Variants in ZNF385D observed in about 807,000 individuals in gnomAD.
The protein encoded by ZNF385D is zinc finger protein 659.
ZNF385D carries 15 observed loss-of-function variants against 35.8 expected under a neutral mutation model. The observed-to-expected ratio is 0.42, with a 90% confidence interval of 0.28 to 0.64. The LOEUF is 0.64. ZNF385D is among the 30% of genes least tolerant of loss of function. The pLI is 0.23. For synonymous variants in ZNF385D, 212 were observed against 186.8 expected, an observed-to-expected ratio of 1.13 and a Z score of -1.10; for missense variants, 474 against 494.6, an observed-to-expected ratio of 0.96 and a Z score of 0.39.
intron 3 of ZNF385D, among the ~76,000 whole-genome samples, chr3:21,780,548 T>G (rs1340245896): frequency 1.3e-5 from 2 of 152,028 alleles, no homozygotes; most frequent in East Asian, 3.9e-4. Context: ...ATTTTCAGAG[T>G]GAGTTTGTTG....
At chr3:22,091,995 A>G (rs1701358348) in intron 3 of ZNF385D, among the ~76,000 whole-genome samples, 1 of 152,192 alleles carries the variant, frequency 6.6e-6, no homozygotes, top group Non-Finnish European at 1.5e-5. Context: ...AAAAGGATGA[A>G]AAATACCTTC....
chr3:21,764,897 A>C (rs964621508), intron 3 of ZNF385D, among the ~76,000 whole-genome samples: 1 of 152,064 alleles, frequency 6.6e-6, no homozygotes, highest in African/African-American at 2.4e-5. Flanking sequence ...CCAATTGTCC[A>C]CTTCTCTCCT....
intron 3 of ZNF385D, among the ~76,000 whole-genome samples, chr3:22,077,447 G>C (rs893172989): frequency 6.6e-6 from 1 of 151,922 alleles, no homozygotes; most frequent in Non-Finnish European, 1.5e-5. Flanking sequence ...CATCTATGCT[G>C]ATGTAATTTG....
At chr3:21,958,862 A>T (rs1487656609) in intron 3 of ZNF385D, 1 of 152,138 alleles carries the variant, frequency 6.6e-6, no homozygotes, top group Non-Finnish European at 1.5e-5. Flanking sequence ...TTTCATTACA[A>T]ATAATTCAAG....
intron 2 of ZNF385D, among the ~76,000 whole-genome samples, chr3:22,173,400 G>T (rs1201909991): frequency 2.0e-5 from 3 of 152,096 alleles, no homozygotes; most frequent in African/African-American, 7.2e-5. Flanking sequence ...GAGAAAATTG[G>T]ATGGGAGGTC....
At chr3:21,542,390 C>T (rs1165544655) in intron 3 of ZNF385D, among the ~76,000 whole-genome samples, 3 of 151,308 alleles carry the variant, frequency 2.0e-5, no homozygotes, top group Non-Finnish European at 4.4e-5. Context: ...GCCTGCTGCC[C>T]AGGCTGGAGA....
intron 3 of ZNF385D, among the ~76,000 whole-genome samples, chr3:22,038,897 T>C (rs11928454): frequency 0.092 from 13,771 of 149,448 alleles, 710 homozygotes; most frequent in African/African-American, 0.13. Context: ...TTTTATTATA[T>C]ATAAACATAT....
At chr3:21,478,332 A>C (rs71310258) in intron 4 of ZNF385D, among the ~76,000 whole-genome samples, 19 of 152,282 alleles carry the variant, frequency 1.2e-4, no homozygotes, top group South Asian at 4.1e-4. Flanking sequence ...AGGAGTGCAT[A>C]TATGCCTGTG....
At chr3:22,128,113 T>C (rs1703547643) in intron 3 of ZNF385D, among the ~76,000 whole-genome samples, 3 of 152,210 alleles carry the variant, frequency 2.0e-5, no homozygotes, top group Admixed American at 1.3e-4. Context: ...GGGAAGCTCT[T>C]TGTATCTCCT....
intron 3 of ZNF385D, among the ~76,000 whole-genome samples, chr3:22,060,280 G>A (rs1323154000): frequency 6.6e-6 from 1 of 152,082 alleles, no homozygotes; most frequent in East Asian, 1.9e-4. Flanking sequence ...CTTATACTGT[G>A]TATCTCTGTA....
At chr3:22,023,127 G>A (rs1054921843) in intron 3 of ZNF385D, among the ~76,000 whole-genome samples, 11 of 152,096 alleles carry the variant, frequency 7.2e-5, no homozygotes, top group African/African-American at 2.7e-4. Context: ...TCTTATGGAG[G>A]GCACAGAATC....
At position 22,295,671 on chromosome 3, in the gene ZNF385D, A is replaced by G. The variant is rs191217194; in HGVS notation, c.106+76779T>C. Among the ~76,000 whole-genome samples, 319 of 152,274 alleles carry G rather than the reference A, an allele frequency of 2.1e-3. 1 individual carries two copies. The highest frequency in any genetic ancestry group is 4.0e-3 in the Non-Finnish European group (273 of 68,000). On this transcript the variant is annotated intron_variant, in intron 2 of 5. Transcript: ENST00000494108. ...TTGGTTGGTAGAAAAATATAAACAT[A>G]AAAGAAAATCCGCCCCCTTTTGATT...
intron 4 of ZNF385D, among the ~76,000 whole-genome samples, chr3:21,495,008 C>T (rs932072247): frequency 2.6e-5 from 4 of 152,124 alleles, no homozygotes; most frequent in African/African-American, 4.8e-5. Flanking sequence ...ATATTTTCTA[C>T]CCTGGATTAT....
intron 3 of ZNF385D, among the ~76,000 whole-genome samples, chr3:21,756,560 G>A (rs1402083037): frequency 6.6e-6 from 1 of 152,122 alleles, no homozygotes; most frequent in Non-Finnish European, 1.5e-5. Flanking sequence ...TTTTATAAAT[G>A]ATAATAAAAT....
At chr3:22,214,366 T>C (rs1461780822) in intron 2 of ZNF385D, among the ~76,000 whole-genome samples, 1 of 152,012 alleles carries the variant, frequency 6.6e-6, no homozygotes, top group Non-Finnish European at 1.5e-5. Context: ...ACAAATTGTT[T>C]GTAGGGCATG....
intron 2 of ZNF385D, among the ~76,000 whole-genome samples, chr3:22,303,210 T>A (rs532615189): frequency 1.3e-4 from 20 of 152,272 alleles, no homozygotes; most frequent in African/African-American, 4.1e-4. Context: ...TGCAGCTACA[T>A]GTATTGTGTG....
intron 2 of ZNF385D, among the ~76,000 whole-genome samples, chr3:22,368,432 A>T (rs1350833105): frequency 1.3e-5 from 2 of 152,056 alleles, no homozygotes; most frequent in East Asian, 1.9e-4. Context: ...CTAATTGCAA[A>T]TTTTTTATGT....
chr3:21,692,384 T>C (rs2067311653), intron 1 of ZNF385D, among the ~76,000 whole-genome samples: 1 of 152,166 alleles, frequency 6.6e-6, no homozygotes, highest in Non-Finnish European at 1.5e-5. Flanking sequence ...TTTCCTACCC[T>C]CGGTTAAGCT....
chr3:22,059,373 G>C (rs1265580647), intron 3 of ZNF385D, among the ~76,000 whole-genome samples: 1 of 152,170 alleles, frequency 6.6e-6, no homozygotes, highest in Non-Finnish European at 1.5e-5. Flanking sequence ...CTATGTTGCA[G>C]CCAGCAGCAA....
Sources: allele counts gnomAD v4.1 joint callset (sites outside exome capture counted in the v4.1 genomes callset), GRCh38; gene constraint gnomAD v4.1.1; transcripts MANE v1.5; gene names NCBI Gene and HGNC (gene_info 2026-07-23, HGNC 2026-07-21).